The following STON1 variants were observed in gnomAD, a reference collection of about 807,000 sequenced individuals.
STON1 encodes stonin 1.
Under a neutral mutation model 60.9 loss-of-function variants are expected in STON1, and 79 were observed. That is an observed-to-expected ratio of 1.30 (90% confidence interval 1.08 to 1.56). STON1 has a LOEUF of 1.56. Ranked by LOEUF, STON1 falls within the 40% of genes most tolerant of loss-of-function variation. The pLI, the probability that STON1 is intolerant of heterozygous loss-of-function variation, is 0.00. For missense variants in STON1, 1,166 were observed against 858.9 expected (o/e 1.36, Z -4.47); for synonymous variants, 363 against 306.9 (o/e 1.18, Z -1.91).
chr2:48,562,221 GA>G (rs2103829976), intron 1 of STON1, among the ~76,000 whole-genome samples: 1 of 152,294 alleles, frequency 6.6e-6, no homozygotes, highest in Non-Finnish European at 1.5e-5. Flanking sequence ...GTGCTGTTCT[GA>G]CTTGCTTGAT....
intron 2 of STON1, among the ~76,000 whole-genome samples, chr2:48,590,318 TTAGAATTCTA>T: frequency 6.6e-6 from 1 of 152,202 alleles, no homozygotes; most frequent in Non-Finnish European, 1.5e-5. Context: ...TTTTACAGCC[TTAGAATTCTA>T]TTAGTCACTC....
At chr2:48,549,809 T>A (rs112676409) in intron 1 of STON1, among the ~76,000 whole-genome samples, 38 of 29,382 alleles carry the variant, frequency 1.3e-3, no homozygotes, top group East Asian at 6.2e-3. Context: ...TGACTCCATC[T>A]CAAAAAAAAA....
At chr2:48,559,770 G>A (rs1043840693) in intron 1 of STON1, among the ~76,000 whole-genome samples, 1 of 152,142 alleles carries the variant, frequency 6.6e-6, no homozygotes, top group Non-Finnish European at 1.5e-5. Flanking sequence ...TTTCCATGGT[G>A]CTTAACTCAG....
At chr2:48,566,437 C>T (rs2103853208) in intron 1 of STON1, among the ~76,000 whole-genome samples, 1 of 151,110 alleles carries the variant, frequency 6.6e-6, no homozygotes, top group Middle Eastern at 3.4e-3. Context: ...CAGTCTCCAC[C>T]ATGCCCGGCT....
At chr2:48,555,491 G>A (rs1672305507) in intron 1 of STON1, among the ~76,000 whole-genome samples, 1 of 94,486 alleles carries the variant, frequency 1.1e-5, no homozygotes, top group African/African-American at 4.2e-5. Flanking sequence ...CGGCTGGCCG[G>A]GTGGGGGGCT....
chr2:48,586,090 G>A (rs916526746), intron 2 of STON1, among the ~76,000 whole-genome samples: 4 of 152,178 alleles, frequency 2.6e-5, no homozygotes, highest in African/African-American at 7.2e-5. Context: ...GCCTGGCCAG[G>A]GTAACCACAC....
chr2:48,570,214 A>C (rs1673132298), intron 1 of STON1, among the ~76,000 whole-genome samples: 1 of 152,176 alleles, frequency 6.6e-6, no homozygotes, highest in African/African-American at 2.4e-5. Context: ...GCACATCTGT[A>C]ATCTCAGCTA....
intron 1 of STON1, among the ~76,000 whole-genome samples, chr2:48,533,961 G>T (rs919326509): frequency 2.0e-5 from 3 of 151,808 alleles, no homozygotes; most frequent in African/African-American, 7.3e-5. Context: ...TAGAGATGGG[G>T]TTTCTCCATG....
chr2:48,581,055 C>T lies in STON1; in HGVS notation c.422C>T (p.Ser141Leu), dbSNP rs1673850982. ...CATGCCTTGTTACCCAGTGACCACT[C>T]ATGTACACATCCAACTCCCAAAGTA... ...LSHALLPSDH[S>L]CTHPTPKVGL... The change falls in exon 2 of 4, where the codon TCA (serine) becomes TTA (leucine). Residue 141 changes from serine (S) to leucine (L), a missense_variant. By Grantham distance (145) the Ser-to-Leu change is moderately radical (BLOSUM62 -2). Coordinates refer to ENST00000404752, the MANE Select transcript of STON1 (RefSeq NM_006873.4). The T allele has an allele frequency of 6.3e-7, 1 of 1,593,190 alleles. No individual in the cohort carries two copies. The highest frequency in any genetic ancestry group is 1.3e-5 in the African/African-American group (1 of 74,410).
At chr2:48,533,662 CAA>C (rs57217272) in intron 1 of STON1, among the ~76,000 whole-genome samples, 16 of 56,312 alleles carry the variant, frequency 2.8e-4, no homozygotes, top group African/African-American at 7.9e-4. Context: ...AACTCCGTCT[CAA>C]AAAAAAAAAA....
In STON1 at chr2:48,581,787, A is replaced by G. The variant is rs777555479; in HGVS notation, c.1154A>G (p.Asp385Gly). The G allele has an allele frequency of 1.8e-5, 29 of 1,614,160 alleles. No homozygotes were observed. The highest frequency in any genetic ancestry group is 3.3e-4 in the Middle Eastern group (2 of 6,062). The stretch of plus-strand genomic sequence containing the variant: ...AAGTTGGGGTCCACATCGTACCATG[A>G]CTTCCTTGACTTTCTGACTACTGTG... ...MLKLGSTSYH[D>G]FLDFLTTVEE... Residue 385 changes from aspartate (D) to glycine (G), a missense_variant, in exon 2 of 4, where the codon GAC becomes GGC. Asp to Gly is a moderately conservative substitution (Grantham distance 94). Transcript: ENST00000404752.
intron 1 of STON1, among the ~76,000 whole-genome samples, chr2:48,565,210 G>A (rs1358913266): frequency 1.3e-5 from 2 of 151,322 alleles, no homozygotes; most frequent in Admixed American, 6.6e-5. Flanking sequence ...CCGCCACCAC[G>A]CCCGGCTAAT....
intron 1 of STON1, among the ~76,000 whole-genome samples, chr2:48,566,068 G>C (rs962088055): frequency 1.7e-4 from 26 of 152,226 alleles, no homozygotes; most frequent in Non-Finnish European, 2.9e-4. Context: ...CTGGACATTA[G>C]TTAAAGTGGT....
chr2:48,589,048 G>A (rs1297936309), intron 2 of STON1, among the ~76,000 whole-genome samples: 2 of 152,116 alleles, frequency 1.3e-5, no homozygotes, highest in East Asian at 3.9e-4. Context: ...TGTATATGGT[G>A]GCACAGAATT....
At chr2:48,564,470 C>CT (rs1341579072) in intron 1 of STON1, among the ~76,000 whole-genome samples, 18 of 54,556 alleles carry the variant, frequency 3.3e-4, no homozygotes, top group African/African-American at 1.2e-3. Context: ...TCTTCTTCTT[C>CT]TTCTTCTTCT....
At position 48,598,246 on chromosome 2, in the gene STON1, G is replaced by T. The variant is rs1227228669; in HGVS notation, c.*2944G>T. 6.6e-6 allele frequency: 1 copy of T among 152,246 alleles called. No homozygotes were observed. Among genetic ancestry groups the T allele is most frequent in the Admixed American group, 6.5e-5 (1 of 15,270 alleles). The allele number at this position is 152,246 out of a possible 1,614,324, so 9.4% of individuals were successfully genotyped here. A position where few individuals can be genotyped will look rare whatever the true frequency, so the allele number is the denominator to read the frequency against. On this transcript the variant is annotated 3_prime_UTR_variant, in exon 4 of 4. Coordinates refer to ENST00000404752, the MANE Select transcript of STON1 (RefSeq NM_006873.4). ...GATACTTTCCAGCACATAAATAAAG[G>T]CTGGAATTTTACAACCTGATGTATA... is the stretch of plus-strand genomic sequence containing the variant.
At chr2:48,556,397 A>AC (rs1313511930) in intron 1 of STON1, among the ~76,000 whole-genome samples, 2 of 4,388 alleles carry the variant, frequency 4.6e-4, no homozygotes, top group African/African-American at 2.1e-3. Context: ...CGGGGGGCTG[A>AC]CCCCCCCACC....
At chr2:48,535,296 C>T (rs922377705) in intron 1 of STON1, among the ~76,000 whole-genome samples, 4 of 152,094 alleles carry the variant, frequency 2.6e-5, no homozygotes, top group Non-Finnish European at 5.9e-5. Context: ...AATTATCTTT[C>T]GAAAGCTTGC....
At chr2:48,533,189 C>T (rs1671283269) in intron 1 of STON1, among the ~76,000 whole-genome samples, 1 of 152,096 alleles carries the variant, frequency 6.6e-6, no homozygotes, top group South Asian at 2.1e-4. Context: ...CCAGACCAGC[C>T]TGGCCAACAT....
Sources: allele counts gnomAD v4.1 joint callset (sites outside exome capture counted in the v4.1 genomes callset), GRCh38; gene constraint gnomAD v4.1.1; transcripts MANE v1.5; gene names NCBI Gene and HGNC (gene_info 2026-07-23, HGNC 2026-07-21).